The following MN1 variants were observed in gnomAD, a reference collection of about 807,000 sequenced individuals.
MN1 encodes MN1 proto-oncogene, transcriptional regulator, also known as transcriptional activator MN1.
Under a neutral mutation model 86.9 loss-of-function variants are expected in MN1, and 19 were observed. The observed-to-expected ratio is 0.22, with a 90% CI of 0.15 to 0.32. MN1 has a LOEUF of 0.32. MN1 is among the 10% of genes least tolerant of loss of function. The pLI is 1.00. For synonymous variants in MN1, 928 were observed against 849.6 expected (o/e 1.09, Z -1.60); for missense variants, 1,841 against 1,862.0 (o/e 0.99, Z 0.21).
rs1933366687 is a variant in MN1 at position 27,798,875 on chromosome 22, T to C, written c.1669A>G (p.Met557Val). 6.5e-7 allele frequency: 1 copy of C among 1,547,544 alleles called. No homozygotes were observed. The highest frequency in any genetic ancestry group is 8.7e-7 in the Non-Finnish European group (1 of 1,147,714). Reference sequence around the variant, plus strand: ...TTCCGCGACGCCATCTGCTTAATCATGAGGGCCGCGTTTTGGCGCTGCTGC... The same window carrying C: ...TTCCGCGACGCCATCTGCTTAATCACGAGGGCCGCGTTTTGGCGCTGCTGC... ...QQQQRQNAALMIKQMASRNQQ... is the reference protein window; with the variant it reads ...QQQQRQNAALVIKQMASRNQQ... The change falls in exon 1 of 2, where the codon ATG (methionine) becomes GTG (valine). Residue 557 changes from methionine (M) to valine (V), a missense_variant. By Grantham distance (21) the Met-to-Val change is conservative. Transcript: ENST00000302326.
chr22:27,795,309 C>T (rs533181162), intron 1 of MN1, among the ~76,000 whole-genome samples: 11 of 151,340 alleles, frequency 7.3e-5, no homozygotes, highest in Non-Finnish European at 1.2e-4. Flanking sequence ...ACCCGGGATG[C>T]GCGCCTTGAA....
Position 27,799,975 on chromosome 22 carries a change from C to A in MN1, c.569G>T (p.Cys190Phe). The A allele has an allele frequency of 1.2e-6, 2 of 1,602,852 alleles. No homozygotes were observed. The highest frequency in any genetic ancestry group is 2.2e-5 in the South Asian group (2 of 90,588). The change falls in exon 1 of 2, where the codon TGC (cysteine) becomes TTC (phenylalanine). Residue 190 changes from cysteine (C) to phenylalanine (F), a missense_variant. Transcript: ENST00000302326. ...GTTAGGGCTCTGGTCCAGCGGCAGG[C>A]ATGGGGCCGGCACGGCGTGGCTGGA... ...GASSHAVPAP[C>F]LPLDQSPNRA... is the part of the protein sequence containing the mutation.
At chr22:27,777,824 C>G (rs974864678) in intron 1 of MN1, among the ~76,000 whole-genome samples, 1 of 150,296 alleles carries the variant, frequency 6.7e-6, no homozygotes, top group Non-Finnish European at 1.5e-5. Context: ...TGCAATGAGC[C>G]GAGATCACGC....
intron 1 of MN1, among the ~76,000 whole-genome samples, chr22:27,765,551 G>A (rs1932863270): frequency 6.6e-6 from 1 of 152,226 alleles, no homozygotes; most frequent in Non-Finnish European, 1.5e-5. Context: ...GGCCTCTGAG[G>A]ACCCCCGTGT....
chr22:27,789,754 A>C (rs946136281), intron 1 of MN1, among the ~76,000 whole-genome samples: 4 of 152,248 alleles, frequency 2.6e-5, no homozygotes, highest in African/African-American at 9.6e-5. Flanking sequence ...TTATGTTTAA[A>C]GGGCATTTGG....
intron 1 of MN1, among the ~76,000 whole-genome samples, chr22:27,774,537 G>A (rs1297896558): frequency 1.3e-5 from 2 of 152,178 alleles, no homozygotes; most frequent in African/African-American, 4.8e-5. Flanking sequence ...TATCCACGGA[G>A]GTGTTGATTA....
rs939296312 is a variant in MN1 at position 27,799,938 on chromosome 22, G to A, written c.606C>T (p.Ser202=). 4 of 1,603,306 alleles carry A rather than the reference G, an allele frequency of 2.5e-6. No individual in the cohort carries two copies. Among genetic ancestry groups the A allele is most frequent in the Non-Finnish European group, 3.4e-6 (4 of 1,175,692 alleles). The change falls in exon 1 of 2, where the codon TCC becomes TCT. Residue 202 remains serine, a synonymous_variant. Coordinates refer to ENST00000302326, the MANE Select transcript of MN1 (RefSeq NM_002430.3). ...CGCTGGAGGACGGCAGGCCGTGGAA[G>A]GAGGCGGCTCGGTTAGGGCTCTGGT... ...PLDQSPNRAA[S]FHGLPSSSGS...
At chr22:27,758,265 C>A (rs1434798024) in intron 1 of MN1, among the ~76,000 whole-genome samples, 1 of 152,194 alleles carries the variant, frequency 6.6e-6, no homozygotes, top group Non-Finnish European at 1.5e-5. Flanking sequence ...CCTGATCCTT[C>A]CACCTCCACA....
intron 1 of MN1, among the ~76,000 whole-genome samples, chr22:27,788,010 C>T (rs561774349): frequency 3.9e-5 from 6 of 152,238 alleles, no homozygotes; most frequent in Non-Finnish European, 7.3e-5. Context: ...TGGGCAAGAA[C>T]CTTCTGTCCT....
At chr22:27,769,325 T>C (rs1236443169) in intron 1 of MN1, among the ~76,000 whole-genome samples, 1 of 152,098 alleles carries the variant, frequency 6.6e-6, no homozygotes, top group Non-Finnish European at 1.5e-5. Context: ...AGTGGGAAAC[T>C]GAGGCCCAGT....
At chr22:27,777,696 T>A (rs973413748) in intron 1 of MN1, among the ~76,000 whole-genome samples, 1 of 125,946 alleles carries the variant, frequency 7.9e-6, no homozygotes, top group Non-Finnish European at 1.6e-5. Context: ...GTGTCTCTAC[T>A]AAAAATACAC....
intron 1 of MN1, among the ~76,000 whole-genome samples, chr22:27,772,381 T>C (rs532000834): frequency 2.6e-5 from 4 of 152,308 alleles, no homozygotes; most frequent in Admixed American, 2.6e-4. Flanking sequence ...ACCATTTGCC[T>C]TTCGAGGGAG....
chr22:27,799,401 G>C lies in MN1; in HGVS notation c.1143C>G (p.Pro381=). The C allele has an allele frequency of 1.3e-6, 2 of 1,508,810 alleles. No homozygotes were observed. Among genetic ancestry groups the C allele is most frequent in the Non-Finnish European group, 1.8e-6 (2 of 1,134,120 alleles). 93.5% of individuals were successfully genotyped at this position (1,508,810 alleles called of 1,614,324 possible). ...TGGGCGTGCCCGCCTCGCCCTGCTG[G>C]GGCCGAGGGAGCGCAGGCGGGCACG... is the stretch of plus-strand genomic sequence containing the variant. The part of the protein sequence containing the change: ...QNSCPPALPR[P]QQGEAGTPSG... The change falls in exon 1 of 2, where the codon CCC becomes CCG. Residue 381 remains proline, a synonymous_variant. Transcript: ENST00000302326.
chr22:27,799,121 C>T lies in MN1; in HGVS notation c.1423G>A (p.Gly475Ser). The T allele has an allele frequency of 6.2e-7, 1 of 1,603,856 alleles. No individual in the cohort carries two copies. Among genetic ancestry groups the T allele is most frequent in the Non-Finnish European group, 8.5e-7 (1 of 1,172,810 alleles). Residue 475 changes from glycine to serine, a missense_variant, in exon 1 of 2, where the codon GGC becomes AGC. Transcript: ENST00000302326. ...TCCAGAGCGCCGTTGTGCATGCTGC[C>T]GTTCCACGAAGCGCAGCGGTCCACT... Reference protein sequence around the residue: ...AGVDRCASWNGSMHNGALDNH... With the variant: ...AGVDRCASWNSSMHNGALDNH...
Position 27,798,794 on chromosome 22 carries a change from C to T in MN1, c.1750G>A (p.Val584Met), listed in dbSNP as rs762570901. The T allele has an allele frequency of 2.6e-6, 4 of 1,535,436 alleles. No homozygotes were observed. Among genetic ancestry groups the T allele is most frequent in the Admixed American group, 3.9e-5 (2 of 50,962 alleles). The change falls in exon 1 of 2, where the codon GTG becomes ATG. Residue 584 changes from valine to methionine, a missense_variant. Coordinates refer to ENST00000302326, the MANE Select transcript of MN1 (RefSeq NM_002430.3). The part of the protein sequence containing the change: ...NLAQLGHPGD[V>M]GQGGLVHGGP... Reference sequence around the variant, plus strand: ...CCATGCACCAGGCCGCCCTGGCCCACGTCCCCGGGGTGGCCTAGCTGAGCC... The same window carrying T: ...CCATGCACCAGGCCGCCCTGGCCCATGTCCCCGGGGTGGCCTAGCTGAGCC...
At position 27,800,729 on chromosome 22, in the gene MN1, T is replaced by A. The variant is rs1334447745; in HGVS notation, c.-186A>T. The A allele has an allele frequency of 3.0e-6, 2 of 669,372 alleles. No individual in the cohort carries two copies. The highest frequency in any genetic ancestry group is 5.5e-5 in the East Asian group (2 of 36,120). The allele number at this position is 669,372 out of a possible 1,614,324, so 41.5% of individuals were successfully genotyped here. On this transcript the variant is annotated 5_prime_UTR_variant, in exon 1 of 2. Coordinates refer to ENST00000302326, the MANE Select transcript of MN1 (RefSeq NM_002430.3). Reference sequence around the variant, plus strand: ...GGGGGCGGGGTATTAGCTCCTCTCCTGAAGCTCCGATTCTGCCCGGGGAGG... The same window carrying A: ...GGGGGCGGGGTATTAGCTCCTCTCCAGAAGCTCCGATTCTGCCCGGGGAGG...
intron 1 of MN1, among the ~76,000 whole-genome samples, chr22:27,751,863 C>T (rs899743617): frequency 6.6e-6 from 1 of 152,038 alleles, no homozygotes; most frequent in African/African-American, 2.4e-5. Context: ...AATCCCCAAG[C>T]GCTCCCCAGT....
At chr22:27,764,058 G>T (rs1932852670) in intron 1 of MN1, among the ~76,000 whole-genome samples, 1 of 152,172 alleles carries the variant, frequency 6.6e-6, no homozygotes, top group African/African-American at 2.4e-5. Flanking sequence ...GGGAAGAGGA[G>T]GCTGCAAAAT....
intron 1 of MN1, among the ~76,000 whole-genome samples, chr22:27,775,264 C>A (rs978061979): frequency 6.6e-6 from 1 of 152,184 alleles, no homozygotes; most frequent in African/African-American, 2.4e-5. Context: ...TCGATGGCTA[C>A]AGAATGATGG....
Sources: gnomAD v4.1 joint callset for allele counts (sites outside exome capture counted in the v4.1 genomes callset) on GRCh38, gnomAD v4.1.1 for gene constraint, MANE v1.5 for transcripts, NCBI Gene and HGNC (gene_info 2026-07-23, HGNC 2026-07-21) for gene names.